The following RIN3 variants were observed in gnomAD, a reference collection of about 807,000 sequenced individuals.
RIN3 encodes Ras and Rab interactor 3.
Under a neutral mutation model 76.3 loss-of-function variants are expected in RIN3, and 54 were observed. The ratio of observed to expected loss-of-function variants is 0.71; its 90% CI spans 0.57 to 0.89. The LOEUF is 0.89. RIN3 is among the 40% of genes least tolerant of loss of function. RIN3 has a pLI of 0.00. For synonymous variants in RIN3, 576 were observed against 564.0 expected (o/e 1.02, Z -0.30); for missense variants, 1,256 against 1,322.1 (o/e 0.95, Z 0.78).
chr14:92,604,115 G>A (rs963741724), intron 3 of RIN3, among the ~76,000 whole-genome samples: 4 of 152,200 alleles, frequency 2.6e-5, no homozygotes, highest in Non-Finnish European at 1.5e-5. Context: ...CCCCTTTCAG[G>A]GGCCTGTAGG....
At chr14:92,657,731 G>A (rs1400108528) in intron 6 of RIN3, among the ~76,000 whole-genome samples, 1 of 152,204 alleles carries the variant, frequency 6.6e-6, no homozygotes, top group African/African-American at 2.4e-5. Flanking sequence ...CGGGAGGTGG[G>A]CGTGGAAGGA....
intron 3 of RIN3, among the ~76,000 whole-genome samples, chr14:92,606,894 A>G (rs998757461): frequency 6.9e-6 from 1 of 145,182 alleles, no homozygotes; most frequent in Admixed American, 7.3e-5. Flanking sequence ...ACTTCTAGCT[A>G]TATACCCAAG....
At chr14:92,523,503 TAGCACC>T (rs1896650369) in intron 1 of RIN3, among the ~76,000 whole-genome samples, 1 of 152,228 alleles carries the variant, frequency 6.6e-6, no homozygotes, top group Non-Finnish European at 1.5e-5. Flanking sequence ...CTCTGTCACA[TAGCACC>T]AGATTATATG....
chr14:92,672,839 G>C (rs557428111), intron 7 of RIN3, among the ~76,000 whole-genome samples: 4 of 152,196 alleles, frequency 2.6e-5, no homozygotes, highest in African/African-American at 7.2e-5. Flanking sequence ...TTTCTGCCCA[G>C]CTCCAGGCAA....
At chr14:92,629,334 G>A (rs1403867603) in intron 4 of RIN3, among the ~76,000 whole-genome samples, 3 of 152,208 alleles carry the variant, frequency 2.0e-5, no homozygotes, top group Non-Finnish European at 4.4e-5. Context: ...AAACGCACGA[G>A]CAAAACAAGG....
At chr14:92,622,742 T>C (rs1886227602) in intron 4 of RIN3, among the ~76,000 whole-genome samples, 1 of 152,152 alleles carries the variant, frequency 6.6e-6, no homozygotes, top group Admixed American at 6.5e-5. Context: ...TAGTACATTT[T>C]GGGGTGTTTG....
chr14:92,577,461 TA>T lies in RIN3; in HGVS notation c.353del (p.Lys118ArgfsTer22), dbSNP rs1898281394. On this transcript the variant is annotated frameshift_variant, in exon 3 of 10. Transcript: ENST00000216487. LOFTEE classifies it high-confidence loss of function. The stretch of plus-strand genomic sequence containing the variant: ...CGGCCGAGGTGCTCGAATACACCAT[TA>T]AGGAAGAAAAGTCGAGTAAGTACCC... ...SSAEVLEYTI[K>X]EEKSILYLEG... The T allele has an allele frequency of 6.2e-7, 1 of 1,611,202 alleles. No homozygotes were observed. Among genetic ancestry groups the T allele is most frequent in the South Asian group, 1.1e-5 (1 of 90,946 alleles).
At chr14:92,554,273 G>C (rs1204048701) in intron 1 of RIN3, among the ~76,000 whole-genome samples, 2 of 152,192 alleles carry the variant, frequency 1.3e-5, no homozygotes, top group Non-Finnish European at 2.9e-5. Context: ...GTGTGTGTTG[G>C]GATGGGGAAG....
intron 4 of RIN3, among the ~76,000 whole-genome samples, chr14:92,621,112 C>A (rs1487076979): frequency 6.6e-6 from 1 of 151,804 alleles, no homozygotes; most frequent in Non-Finnish European, 1.5e-5. Context: ...CATGGTGAAA[C>A]CCCGTCCCAG....
At chr14:92,541,236 T>C (rs981563318) in intron 1 of RIN3, among the ~76,000 whole-genome samples, 2 of 152,230 alleles carry the variant, frequency 1.3e-5, no homozygotes, top group African/African-American at 4.8e-5. Flanking sequence ...TTATCTCCAT[T>C]CATCTCCACA....
At chr14:92,516,385 G>A (rs1472045993) in intron 1 of RIN3, among the ~76,000 whole-genome samples, 2 of 152,204 alleles carry the variant, frequency 1.3e-5, no homozygotes, top group Non-Finnish European at 2.9e-5. Flanking sequence ...GGCTGAGACA[G>A]GGGGCTCTTC....
intron 4 of RIN3, among the ~76,000 whole-genome samples, chr14:92,634,440 G>A (rs1312271887): frequency 6.6e-6 from 1 of 152,050 alleles, no homozygotes; most frequent in Non-Finnish European, 1.5e-5. Flanking sequence ...GGATTTCATA[G>A]TTTATAAGGA....
intron 1 of RIN3, among the ~76,000 whole-genome samples, chr14:92,522,120 C>T (rs539264052): frequency 2.6e-5 from 4 of 152,234 alleles, no homozygotes; most frequent in Admixed American, 6.5e-5. Context: ...TGACTTTTAC[C>T]ATGGTGGTGA....
rs188310342 is a variant in RIN3 at position 92,617,468 on chromosome 14, G to A, written c.440+1989G>A. On this transcript the variant is annotated intron_variant, in intron 4 of 9. Coordinates refer to ENST00000216487, the MANE Select transcript of RIN3 (RefSeq NM_024832.5). ...ACTTAGCCCATCATTCATAGGTTAC[G>A]GTGTCCTCATGGTCACATATTTCTT... 9.2e-5 allele frequency among the ~76,000 whole-genome samples: 14 copies of A among 152,022 alleles called. No individual in the cohort carries two copies. The East Asian group carries it at 2.5e-3, about 27-fold the overall frequency.
At chr14:92,664,761 C>T (rs535286117) in intron 7 of RIN3, among the ~76,000 whole-genome samples, 7 of 152,154 alleles carry the variant, frequency 4.6e-5, no homozygotes, top group African/African-American at 7.2e-5. Flanking sequence ...TTACCCCAAA[C>T]GCTTTCCTAG....
intron 2 of RIN3, among the ~76,000 whole-genome samples, chr14:92,571,349 G>A (rs1001996160): frequency 6.6e-6 from 1 of 152,128 alleles, no homozygotes; most frequent in Non-Finnish European, 1.5e-5. Context: ...TTCTGAGGGG[G>A]TCTTATCTCT....
intron 4 of RIN3, among the ~76,000 whole-genome samples, chr14:92,626,413 G>C (rs988670579): frequency 9.2e-5 from 14 of 152,180 alleles, no homozygotes; most frequent in African/African-American, 3.4e-4. Context: ...TCATCTAGCA[G>C]TGGCTTAAGT....
chr14:92,667,391 C>T lies in RIN3; in HGVS notation c.2335+7922C>T, dbSNP rs761382394. On this transcript the variant is annotated intron_variant, in intron 7 of 9. Transcript: ENST00000216487. ...AATTATCTGGGCATGGTGGCGCACA[C>T]CTGTAATCCCAGCTACTCAGGAGGC... is the stretch of plus-strand genomic sequence containing the variant. 3.3e-5 allele frequency among the ~76,000 whole-genome samples: 5 copies of T among 152,088 alleles called. 1 individual carries two copies. Among genetic ancestry groups the T allele is most frequent in the Admixed American group, 2.6e-4 (4 of 15,280 alleles).
At chr14:92,601,661 G>A (rs555608684) in intron 3 of RIN3, among the ~76,000 whole-genome samples, 1 of 152,162 alleles carries the variant, frequency 6.6e-6, no homozygotes, top group African/African-American at 2.4e-5. Context: ...CATCTCCCCG[G>A]CCCTGCGGCG....
Sources: allele counts gnomAD v4.1 joint callset (sites outside exome capture counted in the v4.1 genomes callset), GRCh38; gene constraint gnomAD v4.1.1; transcripts MANE v1.5; gene names NCBI Gene and HGNC (gene_info 2026-07-23, HGNC 2026-07-21).